The following MGAT4C variants were observed in gnomAD, a reference collection of about 807,000 sequenced individuals.
MGAT4C encodes alpha-1,3-mannosyl-glycoprotein 4-beta-N-acetylglucosaminyltransferase C.
MGAT4C carries 19 observed loss-of-function variants against 40.1 expected under a neutral mutation model. That is an observed-to-expected ratio of 0.47 (90% CI 0.33 to 0.70). The LOEUF is 0.70. MGAT4C is among the 30% of genes least tolerant of loss of function. The pLI is 0.02. For missense variants in MGAT4C, 491 were observed against 563.2 expected (o/e 0.87, Z 1.30); for synonymous variants, 181 against 187.1 (o/e 0.97, Z 0.27).
chr12:86,809,434 GT>G (rs1952427775), intron 1 of MGAT4C, among the ~76,000 whole-genome samples: 1 of 151,996 alleles, frequency 6.6e-6, no homozygotes, highest in Non-Finnish European at 1.5e-5. Flanking sequence ...GTAATTATAT[GT>G]TTACTTTTAC....
At chr12:86,659,621 A>G (rs965478485) in intron 2 of MGAT4C, among the ~76,000 whole-genome samples, 3 of 152,146 alleles carry the variant, frequency 2.0e-5, no homozygotes, top group Non-Finnish European at 4.4e-5. Flanking sequence ...AGAAGCAGCC[A>G]GAAGTACAAA....
At chr12:86,700,215 T>C (rs1167411882) in intron 2 of MGAT4C, among the ~76,000 whole-genome samples, 3 of 148,622 alleles carry the variant, frequency 2.0e-5, no homozygotes, top group East Asian at 4.1e-4. Context: ...ATAGATAGAT[T>C]AGGCTTTAGC....
At chr12:86,027,805 T>A (rs1300893395) in intron 2 of MGAT4C, among the ~76,000 whole-genome samples, 3 of 151,950 alleles carry the variant, frequency 2.0e-5, no homozygotes, top group African/African-American at 7.2e-5. Flanking sequence ...GTTCCAGAGA[T>A]CTAACTAATT....
rs115879631 is a variant in MGAT4C at position 86,729,734 on chromosome 12, C to T, written c.-261-2493G>A. On this transcript the variant is annotated intron_variant, in intron 1 of 7. Transcript: ENST00000548651. ...GGACACTTATTCTCATAACAAAAGCCCTGAAAAAATGTTGTACAACACTTC... is the reference window on the plus strand; with the variant it reads ...GGACACTTATTCTCATAACAAAAGCTCTGAAAAAATGTTGTACAACACTTC... 8.9e-4 allele frequency among the ~76,000 whole-genome samples: 135 copies of T among 151,894 alleles called. 2 individuals are homozygous for T. Among genetic ancestry groups the T allele is most frequent in the African/African-American group, 3.1e-3 (130 of 41,462 alleles).
chr12:86,138,612 TATATC>T lies in MGAT4C; in HGVS notation c.-56-88894_-56-88890del, dbSNP rs567187210. Among the ~76,000 whole-genome samples, 38 of 146,548 alleles carry T rather than the reference TATATC, an allele frequency of 2.6e-4. 1 individual carries two copies. The South Asian group carries it at 6.4e-3, about 25-fold the overall frequency. On this transcript the variant is annotated intron_variant, in intron 1 of 4. Transcript: ENST00000611864. ...ATTTCCATATATATATTTCCATAGA[TATATC>T]ATATATATATTTCCATAGATATATC...
At position 86,036,168 on chromosome 12, in the gene MGAT4C, G is replaced by C. The variant is rs2136921094; in HGVS notation, c.-7+13506C>G. Among the ~76,000 whole-genome samples the C allele has an allele frequency of 1.3e-5, 2 of 150,288 alleles. 1 individual carries two copies. The highest frequency in any genetic ancestry group is 4.2e-4 in the South Asian group (2 of 4,764). On this transcript the variant is annotated intron_variant, in intron 2 of 4. Transcript: ENST00000611864. ...TCGAATCTATAAATTACTTTAAGCA[G>C]TGTGGCCATTTTCACGAAATTGATT...
intron 2 of MGAT4C, among the ~76,000 whole-genome samples, chr12:86,019,558 G>A (rs1472932291): frequency 6.6e-6 from 1 of 152,052 alleles, no homozygotes; most frequent in Non-Finnish European, 1.5e-5. Context: ...CCACCTTAAT[G>A]TTAAGACATA....
intron 3 of MGAT4C, among the ~76,000 whole-genome samples, chr12:86,409,483 TG>T (rs1438021841): frequency 2.6e-5 from 4 of 152,192 alleles, no homozygotes; most frequent in Non-Finnish European, 1.5e-5. Flanking sequence ...TTTGTATGCT[TG>T]TTAACAAAAA....
intron 2 of MGAT4C, among the ~76,000 whole-genome samples, chr12:86,450,630 T>TTA (rs1439755995): frequency 6.6e-6 from 1 of 152,116 alleles, no homozygotes; most frequent in African/African-American, 2.4e-5. Flanking sequence ...TTCATTGTAT[T>TTA]ACCTTTTACA....
intron 2 of MGAT4C, among the ~76,000 whole-genome samples, chr12:86,008,036 TTA>T (rs1282489828): frequency 6.6e-6 from 1 of 152,006 alleles, no homozygotes; most frequent in Non-Finnish European, 1.5e-5. Context: ...TTATTTTTCT[TTA>T]TGTCAATATC....
chr12:86,284,791 A>T lies in MGAT4C; in HGVS notation c.-57+49274T>A, dbSNP rs939033977. Among the ~76,000 whole-genome samples the T allele has an allele frequency of 3.3e-5, 5 of 151,982 alleles. No homozygotes were observed. The South Asian group carries it at 1.0e-3, about 31-fold the overall frequency. ...TCCATGCAGCCTTCTCCCATGTGCA[A>T]ACAACCATCATGAATATACCATAAT... On this transcript the variant is annotated intron_variant, in intron 4 of 7. Coordinates refer to the MGAT4C transcript ENST00000548651.
chr12:85,973,938 T>G lies in MGAT4C; in HGVS notation c.*5351A>C, dbSNP rs1565794462. On this transcript the variant is annotated 3_prime_UTR_variant, in exon 5 of 5. Transcript: ENST00000611864. ...TAAACATCTCAGAAAATATTGGGAT[T>G]ATTGAAGCAAATTCTACCCTGGACT... The G allele has an allele frequency of 1.3e-5, 2 of 150,932 alleles. No individual in the cohort carries two copies. Among genetic ancestry groups the G allele is most frequent in the Non-Finnish European group, 3.0e-5 (2 of 67,136 alleles). 9.3% of individuals were successfully genotyped at this position (150,932 alleles called of 1,614,324 possible).
intron 1 of MGAT4C, among the ~76,000 whole-genome samples, chr12:86,201,568 T>C (rs1157086532): frequency 2.7e-5 from 4 of 150,712 alleles, no homozygotes; most frequent in African/African-American, 9.7e-5. Context: ...TACATAAATA[T>C]ATAATTCTTA....
chr12:86,390,967 T>C (rs967559759), intron 3 of MGAT4C, among the ~76,000 whole-genome samples: 2 of 152,220 alleles, frequency 1.3e-5, no homozygotes, highest in South Asian at 2.1e-4. Flanking sequence ...AAATATTTCC[T>C]ATGAATAAAC....
intron 4 of MGAT4C, among the ~76,000 whole-genome samples, chr12:86,295,385 A>G (rs778699697): frequency 9.9e-5 from 15 of 152,168 alleles, no homozygotes; most frequent in Non-Finnish European, 1.9e-4. Flanking sequence ...GGTGAGTGTT[A>G]CAGCTCTTAA....
chr12:86,298,596 G>A (rs1465195431), intron 4 of MGAT4C, among the ~76,000 whole-genome samples: 1 of 152,006 alleles, frequency 6.6e-6, no homozygotes. Flanking sequence ...TCAAAAATAT[G>A]GCAAAGCTTA....
chr12:86,367,135 C>T (rs1955614787), intron 3 of MGAT4C, among the ~76,000 whole-genome samples: 1 of 151,934 alleles, frequency 6.6e-6, no homozygotes, highest in Non-Finnish European at 1.5e-5. Flanking sequence ...TAAGTTCCAG[C>T]TCCCTTTCTA....
At chr12:86,638,528 G>T (rs1185931042) in intron 2 of MGAT4C, among the ~76,000 whole-genome samples, 1 of 151,756 alleles carries the variant, frequency 6.6e-6, no homozygotes, top group Non-Finnish European at 1.5e-5. Flanking sequence ...TATAAGAAAA[G>T]AAACCAGAGC....
At chr12:86,758,388 TTTA>T (rs947811641) in intron 1 of MGAT4C, among the ~76,000 whole-genome samples, 46 of 125,868 alleles carry the variant, frequency 3.7e-4, no homozygotes, top group African/African-American at 1.3e-3. Context: ...TTTTTTTTTT[TTTA>T]AAAAAAAGAA....
Sources: gnomAD v4.1 joint callset for allele counts (sites outside exome capture counted in the v4.1 genomes callset) on GRCh38, gnomAD v4.1.1 for gene constraint, MANE v1.5 for transcripts, NCBI Gene and HGNC (gene_info 2026-07-23, HGNC 2026-07-21) for gene names.